XKR6: variants seen among roughly 807,000 people sequenced by gnomAD.
The protein encoded by XKR6 is XK related 6, also known as XK-related protein 6.
XKR6 carries 22 observed loss-of-function variants against 56.7 expected under a neutral mutation model. The observed-to-expected ratio is 0.39, with a 90% CI of 0.28 to 0.55. The LOEUF (loss-of-function observed/expected upper bound fraction) is 0.55. XKR6 is among the 20% of genes least tolerant of loss of function. XKR6 has a pLI of 0.66. For synonymous variants in XKR6, 524 were observed against 387.8 expected (o/e 1.35, Z -4.13); for missense variants, 852 against 889.0 (o/e 0.96, Z 0.53).
In XKR6 at chr8:10,956,731, G is replaced by A. The variant is rs571925802; in HGVS notation, c.765-31901C>T. Among the ~76,000 whole-genome samples the A allele has an allele frequency of 7.2e-5, 11 of 152,318 alleles. No individual in the cohort carries two copies. The South Asian group carries it at 2.3e-3, about 32-fold the overall frequency. ...CAAAGGGCTGGAGCCAATAATCACA[G>A]CACAGTGACCGGCTGCCCCTTTGCA... On this transcript the variant is annotated intron_variant, in intron 1 of 2. Coordinates refer to ENST00000416569, the MANE Select transcript of XKR6 (RefSeq NM_173683.4).
chr8:11,121,633 C>T (rs1586574932), intron 1 of XKR6, among the ~76,000 whole-genome samples: 1 of 152,208 alleles, frequency 6.6e-6, no homozygotes, highest in Non-Finnish European at 1.5e-5. Flanking sequence ...GTGGCGATTC[C>T]TCAGGGATCT....
At chr8:11,111,329 C>A (rs759671580) in intron 1 of XKR6, among the ~76,000 whole-genome samples, 2 of 152,144 alleles carry the variant, frequency 1.3e-5, no homozygotes, top group Non-Finnish European at 2.9e-5. Flanking sequence ...CCTTCTCTCT[C>A]CTCATTGGCA....
At position 10,923,694 on chromosome 8, in the gene XKR6, C is replaced by A. The variant is rs144997364; in HGVS notation, c.961+940G>T. 1.4e-3 allele frequency among the ~76,000 whole-genome samples: 215 copies of A among 152,326 alleles called. 2 individuals carry two copies. The highest frequency in any genetic ancestry group is 2.1e-3 in the Non-Finnish European group (142 of 68,030). ...TTGGTGAGGAGGTCCGTGTGGGTGT[C>A]CATGAACGTGGTGACACGGAGGGCC... On this transcript the variant is annotated intron_variant, in intron 2 of 2. Coordinates refer to ENST00000416569, the MANE Select transcript of XKR6 (RefSeq NM_173683.4).
chr8:10,994,609 C>T (rs565411638), intron 1 of XKR6, among the ~76,000 whole-genome samples: 30 of 152,310 alleles, frequency 2.0e-4, no homozygotes, highest in African/African-American at 6.5e-4. Context: ...TGTGTTATTT[C>T]CACACTCAGG....
intron 1 of XKR6, chr8:11,114,092 G>C: frequency 2.3e-6 from 1 of 442,794 alleles, no homozygotes; most frequent in Non-Finnish European, 4.5e-6. Flanking sequence ...TTCGCTTAGA[G>C]CTAAAAATAA....
chr8:11,033,486 G>A (rs1360172165), intron 1 of XKR6, among the ~76,000 whole-genome samples: 1 of 152,014 alleles, frequency 6.6e-6, no homozygotes, highest in Non-Finnish European at 1.5e-5. Flanking sequence ...TGATGATGGT[G>A]GTAATGACTA....
chr8:11,101,750 G>C (rs984633868), intron 1 of XKR6, among the ~76,000 whole-genome samples: 4 of 152,162 alleles, frequency 2.6e-5, no homozygotes, highest in Non-Finnish European at 4.4e-5. Flanking sequence ...TGCATTCTAA[G>C]CACCCTTGCA....
intron 1 of XKR6, among the ~76,000 whole-genome samples, chr8:11,172,320 T>C (rs898575789): frequency 2.0e-5 from 3 of 152,082 alleles, no homozygotes; most frequent in Non-Finnish European, 4.4e-5. Flanking sequence ...CGGCAAGCCA[T>C]GATCAAGCCA....
intron 2 of XKR6, among the ~76,000 whole-genome samples, chr8:10,901,041 C>G (rs1471775824): frequency 4.8e-5 from 7 of 145,334 alleles, no homozygotes; most frequent in African/African-American, 1.8e-4. Context: ...TTTGTAGAGA[C>G]AGAGTTTCTA....
At chr8:11,184,281 C>G (rs1803149356) in intron 1 of XKR6, among the ~76,000 whole-genome samples, 1 of 152,072 alleles carries the variant, frequency 6.6e-6, no homozygotes, top group Non-Finnish European at 1.5e-5. Flanking sequence ...AGCCCTCATG[C>G]AGACCCCTGG....
chr8:11,175,436 G>C (rs981215415), intron 1 of XKR6: 1 of 171,066 alleles, frequency 5.8e-6, no homozygotes, highest in Non-Finnish European at 1.3e-5. Flanking sequence ...TAACCCATAC[G>C]TGGGCTCTCC....
At chr8:10,971,214 G>C (rs180808331) in intron 1 of XKR6, among the ~76,000 whole-genome samples, 1 of 151,952 alleles carries the variant, frequency 6.6e-6, no homozygotes, top group Non-Finnish European at 1.5e-5. Context: ...GAGGTCAGGA[G>C]ATCAAGATCA....
intron 1 of XKR6, among the ~76,000 whole-genome samples, chr8:11,049,963 C>G (rs1477613593): frequency 6.6e-6 from 1 of 152,172 alleles, no homozygotes; most frequent in Non-Finnish European, 1.5e-5. Flanking sequence ...CGTCCATTGC[C>G]TTTCCCGGGC....
chr8:11,194,063 C>A (rs1030121902), intron 1 of XKR6, among the ~76,000 whole-genome samples: 4 of 152,130 alleles, frequency 2.6e-5, no homozygotes, highest in African/African-American at 9.7e-5. Context: ...TCAAAACAAT[C>A]CATGGCAGGA....
chr8:11,172,594 T>C (rs543877977), intron 1 of XKR6, among the ~76,000 whole-genome samples: 14 of 152,190 alleles, frequency 9.2e-5, no homozygotes, highest in Non-Finnish European at 4.4e-5. Context: ...GCAGTTTCCA[T>C]GCACCCAGGC....
intron 2 of XKR6, among the ~76,000 whole-genome samples, chr8:10,914,979 C>T (rs1285642331): frequency 6.6e-6 from 1 of 152,254 alleles, no homozygotes; most frequent in Non-Finnish European, 1.5e-5. Flanking sequence ...CCCTCCTGCA[C>T]ATCTCGGCCC....
intron 2 of XKR6, among the ~76,000 whole-genome samples, chr8:10,914,344 G>A (rs1471565725): frequency 6.6e-6 from 1 of 152,088 alleles, no homozygotes; most frequent in Admixed American, 6.5e-5. Context: ...AGTAGTGAGA[G>A]GGACATAAAC....
intron 1 of XKR6, among the ~76,000 whole-genome samples, chr8:10,977,910 A>G (rs1451220333): frequency 6.6e-6 from 1 of 152,066 alleles, no homozygotes; most frequent in East Asian, 1.9e-4. Context: ...TATCTTGGCA[A>G]CTGGTGGTGA....
chr8:10,914,494 C>T (rs1160173121), intron 2 of XKR6, among the ~76,000 whole-genome samples: 1 of 152,182 alleles, frequency 6.6e-6, no homozygotes, highest in Non-Finnish European at 1.5e-5. Flanking sequence ...TTGATGGCCT[C>T]TGACGTGATG....
Sources: allele counts gnomAD v4.1 joint callset (sites outside exome capture counted in the v4.1 genomes callset), GRCh38; gene constraint gnomAD v4.1.1; transcripts MANE v1.5; gene names NCBI Gene and HGNC (gene_info 2026-07-23, HGNC 2026-07-21).